Variants in DLG2 observed in about 807,000 individuals in gnomAD.
DLG2 encodes the protein discs large MAGUK scaffold protein 2, also known as disks large homolog 2.
Under a neutral mutation model 132.5 loss-of-function variants are expected in DLG2, and 45 were observed. The observed-to-expected ratio is 0.34, with a 90% CI of 0.27 to 0.44. The LOEUF is 0.44. Ranked by LOEUF, DLG2 falls within the 20% of genes least tolerant of loss-of-function variation. The pLI is 1.00. For synonymous variants in DLG2, 424 were observed against 419.6 expected (o/e 1.01, Z -0.13); for missense variants, 1,045 against 1,196.9 (o/e 0.87, Z 1.87).
At chr11:85,453,008 C>G in intron 3 of DLG2, 1 of 185,320 alleles carries the variant, frequency 5.4e-6, no homozygotes, top group South Asian at 1.3e-4. Context: ...CCCGAGCCAT[C>G]TCTGCTAAAG....
intron 9 of DLG2, among the ~76,000 whole-genome samples, chr11:84,136,076 G>A (rs2094589167): frequency 6.6e-6 from 1 of 152,116 alleles, no homozygotes; most frequent in Admixed American, 6.6e-5. Flanking sequence ...ATCCCAAGGT[G>A]AGAATATAAA....
intron 3 of DLG2, among the ~76,000 whole-genome samples, chr11:85,565,070 T>C (rs527943075): frequency 2.4e-4 from 37 of 152,230 alleles, no homozygotes; most frequent in African/African-American, 8.4e-4. Context: ...TATATTGATC[T>C]TGTATCCTGT....
intron 9 of DLG2, among the ~76,000 whole-genome samples, chr11:84,115,429 T>TGG (rs201517517): frequency 0.012 from 1,872 of 152,308 alleles, 35 homozygotes; most frequent in African/African-American, 0.043. Context: ...CTTAGGAGTA[T>TGG]ATTTGCTTTC....
chr11:83,598,941 C>T (rs910159649), intron 19 of DLG2, among the ~76,000 whole-genome samples: 1 of 152,158 alleles, frequency 6.6e-6, no homozygotes, highest in Admixed American at 6.5e-5. Context: ...ATCCTGCGGC[C>T]TTACCTCCAG....
At chr11:84,987,169 C>A (rs550389061) in intron 6 of DLG2, among the ~76,000 whole-genome samples, 2 of 151,936 alleles carry the variant, frequency 1.3e-5, no homozygotes, top group East Asian at 3.9e-4. Flanking sequence ...ACAATAGCTG[C>A]GAAAAATTAA....
intron 3 of DLG2, among the ~76,000 whole-genome samples, chr11:85,356,130 G>C (rs950795392): frequency 6.6e-6 from 1 of 152,148 alleles, no homozygotes; most frequent in Non-Finnish European, 1.5e-5. Flanking sequence ...ATAAGAAAAA[G>C]AGGCAGAAGA....
chr11:85,260,923 T>C (rs1165260433), intron 4 of DLG2, among the ~76,000 whole-genome samples: 3 of 152,028 alleles, frequency 2.0e-5, no homozygotes, highest in Non-Finnish European at 4.4e-5. Flanking sequence ...ATGGTAGGGG[T>C]GGGGAACTAG....
intron 9 of DLG2, among the ~76,000 whole-genome samples, chr11:84,139,480 T>C (rs1230114598): frequency 2.6e-5 from 4 of 151,656 alleles, no homozygotes; most frequent in African/African-American, 9.7e-5. Flanking sequence ...ATAACATGAA[T>C]AGCAATTGGA....
At chr11:85,004,743 G>C (rs1335162127) in intron 6 of DLG2, among the ~76,000 whole-genome samples, 4 of 151,926 alleles carry the variant, frequency 2.6e-5, no homozygotes, top group Non-Finnish European at 4.4e-5. Context: ...GATCCTATTT[G>C]TCCATTTTGG....
At chr11:84,683,475 A>T (rs2153711008) in intron 6 of DLG2, among the ~76,000 whole-genome samples, 1 of 152,288 alleles carries the variant, frequency 6.6e-6, no homozygotes, top group African/African-American at 2.4e-5. Flanking sequence ...CAACCTAAGA[A>T]CTGCAAAACC....
At chr11:83,827,686 G>A (rs1473134962) in intron 17 of DLG2, among the ~76,000 whole-genome samples, 1 of 151,938 alleles carries the variant, frequency 6.6e-6, no homozygotes, top group African/African-American at 2.4e-5. Flanking sequence ...GGAGAGACAG[G>A]AAATAATCTC....
chr11:85,352,881 A>G (rs1565366224), intron 3 of DLG2, among the ~76,000 whole-genome samples: 2 of 152,188 alleles, frequency 1.3e-5, no homozygotes, highest in Admixed American at 6.5e-5. Flanking sequence ...AACCATAAAA[A>G]CCCTAGAAGA....
intron 6 of DLG2, among the ~76,000 whole-genome samples, chr11:84,754,602 A>G (rs1173413538): frequency 1.3e-5 from 2 of 152,208 alleles, no homozygotes; most frequent in Non-Finnish European, 2.9e-5. Context: ...CCACGGAGAT[A>G]GCAAAAAGAT....
chr11:85,187,894 G>A (rs1165005428), intron 4 of DLG2, among the ~76,000 whole-genome samples: 1 of 152,136 alleles, frequency 6.6e-6, no homozygotes, highest in East Asian at 1.9e-4. Context: ...GTTGGGGCAT[G>A]CAAAACATCA....
chr11:84,096,755 G>A (rs1441582672), intron 10 of DLG2, among the ~76,000 whole-genome samples: 1 of 152,104 alleles, frequency 6.6e-6, no homozygotes, highest in Non-Finnish European at 1.5e-5. Flanking sequence ...GAATTACACA[G>A]CATCTTTTTC....
chr11:85,583,130 GTATATATATATATATATATATATA>G (rs3068386), intron 3 of DLG2, among the ~76,000 whole-genome samples: 200 of 13,618 alleles, frequency 0.015, 4 homozygotes, highest in African/African-American at 0.038. Context: ...GTGTGTGTGT[GTATATATATATATATATATATATA>G]TATATATATA....
At chr11:83,556,921 A>G (rs546760576) in intron 19 of DLG2, among the ~76,000 whole-genome samples, 28 of 152,226 alleles carry the variant, frequency 1.8e-4, no homozygotes, top group African/African-American at 6.5e-4. Context: ...ACCCCTGGCC[A>G]GTGGTACTTC....
chr11:83,931,338 G>A (rs1449086862), intron 14 of DLG2, among the ~76,000 whole-genome samples: 1 of 152,174 alleles, frequency 6.6e-6, no homozygotes, highest in African/African-American at 2.4e-5. Context: ...TAGAAGAAAG[G>A]ATTCAATGAC....
intron 7 of DLG2, among the ~76,000 whole-genome samples, chr11:84,481,253 C>T (rs555637122): frequency 7.2e-5 from 11 of 152,166 alleles, no homozygotes; most frequent in Middle Eastern, 3.4e-3. Flanking sequence ...TATTCCTTAA[C>T]AGATTATTTT....
Sources: allele counts gnomAD v4.1 joint callset (sites outside exome capture counted in the v4.1 genomes callset), GRCh38; gene constraint gnomAD v4.1.1; transcripts MANE v1.5; gene names NCBI Gene and HGNC (gene_info 2026-07-23, HGNC 2026-07-21).